Variants in ZNF90 observed in about 807,000 individuals in gnomAD.
ZNF90 encodes the protein zinc finger protein HTF9.
A neutral mutation model predicts 12.0 loss-of-function variants in ZNF90; 11 were observed. The ratio of observed to expected loss-of-function variants is 0.92; its 90% confidence interval spans 0.58 to 1.52. The LOEUF (loss-of-function observed/expected upper bound fraction) is 1.52. Ranked by LOEUF, ZNF90 falls within the 40% of genes most tolerant of loss-of-function variation. The probability of loss-of-function intolerance (pLI) is 0.00; values close to 1 mark genes in which losing one functional copy is unlikely to be tolerated. For missense variants in ZNF90, 765 were observed against 711.5 expected (o/e 1.08, Z -0.86); for synonymous variants, 232 against 240.1 (o/e 0.97, Z 0.31).
At chr19:20,084,828 A>G (rs781939965) in intron 1 of ZNF90, among the ~76,000 whole-genome samples, 6 of 151,914 alleles carry the variant, frequency 3.9e-5, no homozygotes, top group Non-Finnish European at 7.4e-5. Flanking sequence ...CCTAATTTTT[A>G]ATGAGGTTGT....
At chr19:20,107,979 G>A (rs981642588) in intron 3 of ZNF90, among the ~76,000 whole-genome samples, 4 of 151,622 alleles carry the variant, frequency 2.6e-5, no homozygotes, top group African/African-American at 9.7e-5. Context: ...CCTAATATTT[G>A]TTTTACATAT....
chr19:20,099,265 C>G (rs1555703580), intron 1 of ZNF90, among the ~76,000 whole-genome samples: 1 of 152,102 alleles, frequency 6.6e-6, no homozygotes, highest in Non-Finnish European at 1.5e-5. Context: ...CCTCTGCCAC[C>G]AGGGTTCAAG....
At chr19:20,086,403 T>C (rs2122478819) in intron 1 of ZNF90, among the ~76,000 whole-genome samples, 1 of 151,970 alleles carries the variant, frequency 6.6e-6, no homozygotes, top group South Asian at 2.1e-4. Context: ...CCTGTCTAAA[T>C]TATTGTATTT....
At chr19:20,113,551 C>T (rs1301200176) in intron 3 of ZNF90, among the ~76,000 whole-genome samples, 1 of 150,692 alleles carries the variant, frequency 6.6e-6, no homozygotes, top group African/African-American at 2.4e-5. Flanking sequence ...CTAATCTTGC[C>T]GTGTGCGGTG....
intron 2 of ZNF90, among the ~76,000 whole-genome samples, 194 bp downstream of exon 2, chr19:20,104,559 C>G (rs1352716718): frequency 6.6e-6 from 1 of 152,178 alleles, no homozygotes; most frequent in African/African-American, 2.4e-5. Flanking sequence ...TTTCCACTTT[C>G]CTGAGATGAG....
intron 3 of ZNF90, among the ~76,000 whole-genome samples, chr19:20,110,839 G>A (rs1555705027): frequency 1.3e-5 from 2 of 151,966 alleles, no homozygotes; most frequent in Non-Finnish European, 2.9e-5. Flanking sequence ...CTTTTCTAAT[G>A]AAAACTTGTT....
In ZNF90 at chr19:20,113,558, G is replaced by A. The variant is rs149201410; in HGVS notation, c.227-4223G>A. On this transcript the variant is annotated intron_variant, in intron 3 of 3. Transcript: ENST00000418063. Reference sequence around the variant, plus strand: ...AAACTCTCCTAATCTTGCCGTGTGCGGTGGCTCACGATTGTAATCCCAGCA... The same window carrying A: ...AAACTCTCCTAATCTTGCCGTGTGCAGTGGCTCACGATTGTAATCCCAGCA... Among the ~76,000 whole-genome samples the A allele has an allele frequency of 1.8e-4, 27 of 152,016 alleles. No homozygotes were observed. In the East Asian group the frequency reaches 5.3e-3, roughly 30 times the overall value.
rs145597735 is a variant in ZNF90, at chr19:20,094,939, G to A, written c.4-9300G>A. Among the ~76,000 whole-genome samples, 1,511 of 152,238 alleles carry A rather than the reference G, an allele frequency of 9.9e-3. 12 individuals carry two copies. Among genetic ancestry groups the A allele is most frequent in the Middle Eastern group, 0.017 (5 of 294 alleles). ...GGGCAGGTGGGGAAGAGCTAGTCGC[G>A]GAACTAAACTGTAAGCCGGACCGGG... On this transcript the variant is annotated intron_variant, in intron 1 of 3. Transcript: ENST00000418063.
chr19:20,094,712 G>A (rs1450320242), intron 1 of ZNF90, among the ~76,000 whole-genome samples: 6 of 152,128 alleles, frequency 3.9e-5, no homozygotes, highest in Admixed American at 3.9e-4. Context: ...TGGGGAGAGG[G>A]TAGAAGTCAG....
At chr19:20,103,044 G>T (rs1338618239) in intron 1 of ZNF90, among the ~76,000 whole-genome samples, 5 of 152,162 alleles carry the variant, frequency 3.3e-5, no homozygotes, top group Non-Finnish European at 7.3e-5. Flanking sequence ...GGTCGTGGGG[G>T]TGACAAAGTC....
chr19:20,116,991 AAAAAG>A (rs1476159957), intron 3 of ZNF90, among the ~76,000 whole-genome samples: 19 of 149,490 alleles, frequency 1.3e-4, no homozygotes, highest in South Asian at 8.3e-4. Flanking sequence ...AAAAAAAAAA[AAAAAG>A]AATTGGCAAC....
intron 1 of ZNF90, among the ~76,000 whole-genome samples, chr19:20,085,856 A>G (rs1198362683): frequency 6.6e-6 from 1 of 152,108 alleles, no homozygotes; most frequent in Non-Finnish European, 1.5e-5. Flanking sequence ...AGTACTTCAG[A>G]TTTATTACTT....
chr19:20,086,083 C>T (rs10403097), intron 1 of ZNF90, among the ~76,000 whole-genome samples: 3,256 of 152,258 alleles, frequency 0.021, 140 homozygotes, highest in African/African-American at 0.074. Context: ...AGCACTTGTA[C>T]TGCAAAAGCA....
intron 3 of ZNF90, chr19:20,106,811 T>G (rs1555704527): frequency 4.5e-6 from 2 of 442,004 alleles, no homozygotes; most frequent in African/African-American, 2.0e-5. Context: ...CTTAGTGTGA[T>G]GAGATGCCCT....
chr19:20,088,402 C>G (rs1328949967), intron 1 of ZNF90, among the ~76,000 whole-genome samples: 3 of 151,724 alleles, frequency 2.0e-5, no homozygotes, highest in Non-Finnish European at 1.5e-5. Context: ...GGTTTTGGAT[C>G]AATTGAGAAA....
intron 1 of ZNF90, among the ~76,000 whole-genome samples, chr19:20,095,080 TGGG>T (rs2088932529): frequency 6.6e-6 from 1 of 151,630 alleles, no homozygotes; most frequent in Admixed American, 6.6e-5. Flanking sequence ...AAAGGTCAGA[TGGG>T]TCTGTAGAAA....
intron 1 of ZNF90, among the ~76,000 whole-genome samples, chr19:20,081,477 G>A (rs1284049802): frequency 6.6e-6 from 1 of 152,144 alleles, no homozygotes. Flanking sequence ...ATAAGCCATC[G>A]CACCCAGCCA....
intron 1 of ZNF90, among the ~76,000 whole-genome samples, chr19:20,099,849 A>T (rs939399508): frequency 6.6e-6 from 1 of 152,242 alleles, no homozygotes; most frequent in Non-Finnish European, 1.5e-5. Flanking sequence ...CCCATGCAGC[A>T]ATATAGAGAG....
intron 1 of ZNF90, among the ~76,000 whole-genome samples, chr19:20,091,365 C>G (rs903328582): frequency 1.3e-5 from 2 of 152,122 alleles, no homozygotes; most frequent in African/African-American, 4.8e-5. Flanking sequence ...AAGAGACGGT[C>G]TAGCGGCTTG....
Sources: allele counts gnomAD v4.1 joint callset (sites outside exome capture counted in the v4.1 genomes callset), GRCh38; gene constraint gnomAD v4.1.1; transcripts MANE v1.5; gene names NCBI Gene and HGNC (gene_info 2026-07-23, HGNC 2026-07-21).